Variants in CELF2 observed in about 807,000 individuals in gnomAD.
CELF2 encodes the protein CUGBP Elav-like family member 2, also known as CUG triplet repeat RNA-binding protein 2.
Under a neutral mutation model 62.6 loss-of-function variants are expected in CELF2, and 8 were observed. The observed-to-expected ratio is 0.13, with a 90% CI of 0.07 to 0.23. CELF2 has a LOEUF of 0.23. Among genes scored for constraint, CELF2 ranks in the 10% least tolerant of loss-of-function variants. CELF2 has a pLI of 1.00. For synonymous variants in CELF2, 258 were observed against 250.0 expected, an observed-to-expected ratio of 1.03 and a Z score of -0.30; for missense variants, 333 against 671.0, an observed-to-expected ratio of 0.50 and a Z score of 5.56.
chr10:11,197,047 A>AGGAAACAAAGAAGAG (rs140358437), intron 2 of CELF2, among the ~76,000 whole-genome samples: 1 of 25,736 alleles, frequency 3.9e-5, no homozygotes, highest in East Asian at 3.0e-4. Context: ...GAAAGAAAGA[A>AGGAAACAAAGAAGAG]AGAAAGAAAG....
At chr10:10,761,768 A>G in the CELF2 span, among the ~76,000 whole-genome samples, 7 of 152,270 alleles carry the variant, frequency 4.6e-5, no homozygotes, top group African/African-American at 1.7e-4. Context: ...AACACATACC[A>G]TCAGCTCTAC....
rs887919570 is a variant in CELF2, at chr10:11,311,575, A to G, written c.977-2564A>G. Among the ~76,000 whole-genome samples, 9 of 152,250 alleles carry G rather than the reference A, an allele frequency of 5.9e-5. No homozygotes were observed. Among genetic ancestry groups the G allele is most frequent in the African/African-American group, 2.2e-4 (9 of 41,466 alleles). On this transcript the variant is annotated intron_variant, in intron 9 of 12. Transcript: ENST00000633077. This position sits in a 1 kb window ranked among gnomAD's most constrained non-coding sequence, Gnocchi z 4.7. ...ATACAACAGAAAGGAAATACAGCTA[A>G]TATGTTTACATATTAAAAGAATTTG...
At chr10:10,932,625 G>A (rs559156968) in intron 2 of CELF2, among the ~76,000 whole-genome samples, 1 of 151,906 alleles carries the variant, frequency 6.6e-6, no homozygotes, top group Non-Finnish European at 1.5e-5. Context: ...AAGAAAGCAT[G>A]TTCTTTCTTA....
chr10:11,332,322 A>G lies in CELF2; in HGVS notation c.*3269A>G, dbSNP rs1451731060. 1.3e-5 allele frequency: 2 copies of G among 152,242 alleles called. No individual in the cohort carries two copies. The highest frequency in any genetic ancestry group is 1.9e-4 in the East Asian group (1 of 5,204). The allele number at this position is 152,242 out of a possible 1,614,324, so 9.4% of individuals were successfully genotyped here. ...GTTTCTGTTTCCTAAATACTCCTAA[A>G]TAATATTTCTAATCAGCCATTATGC... On this transcript the variant is annotated 3_prime_UTR_variant, in exon 13 of 13. Coordinates refer to ENST00000633077, the MANE Select transcript of CELF2 (RefSeq NM_001326342.2).
Position 10,938,371 on chromosome 10 carries a change from G to A in CELF2, c.89+18372G>A, listed in dbSNP as rs1297201801. ...AGGATTATCTTTAAATTTAGAGAATGAAAAATGCAAGAGCATTGTATTTTG... is the reference window on the plus strand; with the variant it reads ...AGGATTATCTTTAAATTTAGAGAATAAAAAATGCAAGAGCATTGTATTTTG... On this transcript the variant is annotated intron_variant, in intron 2 of 13. Transcript: ENST00000636488. This position sits in a 1 kb window ranked among gnomAD's most constrained non-coding sequence, Gnocchi z 4.2. 6.6e-6 allele frequency among the ~76,000 whole-genome samples: 1 copy of A among 152,202 alleles called. No individual in the cohort carries two copies. Among genetic ancestry groups the A allele is most frequent in the African/African-American group, 2.4e-5 (1 of 41,452 alleles).
the CELF2 span, among the ~76,000 whole-genome samples, chr10:10,556,520 T>A: frequency 6.6e-6 from 1 of 152,242 alleles, no homozygotes; most frequent in Non-Finnish European, 1.5e-5. Flanking sequence ...TATAGCAGCA[T>A]GATTTATAAT....
the CELF2 span, among the ~76,000 whole-genome samples, chr10:10,731,459 T>C: frequency 2.0e-5 from 3 of 152,110 alleles, no homozygotes; most frequent in South Asian, 4.1e-4. Flanking sequence ...GAAATGACAA[T>C]TGTATAAAAT....
chr10:10,875,799 T>C (rs561090630), intron 1 of CELF2, among the ~76,000 whole-genome samples: 1 of 152,356 alleles, frequency 6.6e-6, no homozygotes, highest in African/African-American at 2.4e-5. Flanking sequence ...TTACTCTCCA[T>C]ACATCTCTTC....
At chr10:10,713,641 C>T in the CELF2 span, among the ~76,000 whole-genome samples, 1 of 152,230 alleles carries the variant, frequency 6.6e-6, no homozygotes, top group African/African-American at 2.4e-5. Flanking sequence ...CCATGCAATT[C>T]TGCTTTCACA....
chr10:11,123,452 T>C (rs1260192657), intron 1 of CELF2, among the ~76,000 whole-genome samples: 1 of 152,130 alleles, frequency 6.6e-6, no homozygotes, highest in African/African-American at 2.4e-5. Flanking sequence ...GGTCTGGCTA[T>C]GTTCCCCAGC....
rs114217589 is a variant in CELF2 at position 11,108,649 on chromosome 10, G to C, written c.75-56837G>C. ...CATCAAGTGTGGGAGATCCTTTCTG[G>C]GATGACTGGACCCATTCATACTCCC... On this transcript the variant is annotated intron_variant, in intron 1 of 12. Coordinates refer to ENST00000633077, the MANE Select transcript of CELF2 (RefSeq NM_001326342.2). 9.5e-3 allele frequency among the ~76,000 whole-genome samples: 1,443 copies of C among 152,204 alleles called. 23 individuals carry two copies. The highest frequency in any genetic ancestry group is 0.034 in the African/African-American group (1,393 of 41,498).
chr10:10,531,882 G>A, the CELF2 span, among the ~76,000 whole-genome samples: 1 of 152,170 alleles, frequency 6.6e-6, no homozygotes, highest in Non-Finnish European at 1.5e-5. Context: ...AATGGTGTTG[G>A]GAACAGGCCC....
the CELF2 span, among the ~76,000 whole-genome samples, chr10:10,507,186 AAACAGCCAGTTTTACT>A: frequency 6.6e-6 from 1 of 152,062 alleles, no homozygotes; most frequent in African/African-American, 2.4e-5. Context: ...CTTTTTTAAT[AAACAGCCAGTTTTACT>A]GAAAAACTGG....
chr10:10,777,591 G>A, the CELF2 span, among the ~76,000 whole-genome samples: 2 of 152,016 alleles, frequency 1.3e-5, no homozygotes, highest in East Asian at 1.9e-4. Context: ...CTGCTGCCTG[G>A]GTCAAAGCCT....
chr10:10,698,757 T>G, the CELF2 span, among the ~76,000 whole-genome samples: 1 of 152,124 alleles, frequency 6.6e-6, no homozygotes, highest in Admixed American at 6.6e-5. Flanking sequence ...TGAAAGACAG[T>G]ACAAAAATTA....
chr10:11,122,944 C>T lies in CELF2; in HGVS notation c.75-42542C>T, dbSNP rs188085464. Among the ~76,000 whole-genome samples, 46 of 152,258 alleles carry T rather than the reference C, an allele frequency of 3.0e-4. No individual in the cohort carries two copies. The East Asian group carries it at 6.6e-3, about 22-fold the overall frequency. On this transcript the variant is annotated intron_variant, in intron 1 of 12. Transcript: ENST00000633077. ...AAGCTCCCTGGAGGAGGCAGGAGAG[C>T]ATCTCTCCGAAGGGCTAGTCATGCA...
the CELF2 span, among the ~76,000 whole-genome samples, chr10:10,743,057 G>A: frequency 6.6e-6 from 1 of 152,186 alleles, no homozygotes; most frequent in Admixed American, 6.5e-5. Flanking sequence ...GCCTAAGGCT[G>A]TTCCCAGTTG....
Position 11,211,895 on chromosome 10 carries a change from C to T in CELF2, c.272-5530C>T, listed in dbSNP as rs933422499. 6.1e-5 allele frequency among the ~76,000 whole-genome samples: 9 copies of T among 147,880 alleles called. No homozygotes were observed. The highest frequency in any genetic ancestry group is 2.2e-4 in the African/African-American group (9 of 40,066). ...TTTGGGGCTTTATCTTTGGAAACAG[C>T]AAAAATCTCATACCAGTGTCTCAAA... On this transcript the variant is annotated intron_variant, in intron 2 of 12. Coordinates refer to ENST00000633077, the MANE Select transcript of CELF2 (RefSeq NM_001326342.2). The surrounding 1 kb of genome is among the most constrained non-coding windows in gnomAD (Gnocchi z 4.8).
the CELF2 span, among the ~76,000 whole-genome samples, chr10:10,725,955 A>G: frequency 6.6e-6 from 1 of 152,092 alleles, no homozygotes; most frequent in Non-Finnish European, 1.5e-5. Context: ...ATTATTTCTG[A>G]AATGTAAAGA....
Sources: allele counts gnomAD v4.1 joint callset (sites outside exome capture counted in the v4.1 genomes callset), GRCh38; gene constraint gnomAD v4.1.1; non-coding constraint Gnocchi (gnomAD v3.1); transcripts MANE v1.5; gene names NCBI Gene and HGNC (gene_info 2026-07-23, HGNC 2026-07-21).